Variants in STPG2 observed in about 807,000 individuals in gnomAD.
STPG2 encodes sperm tail PG-rich repeat containing 2.
In STPG2, 56 loss-of-function variants were observed where a neutral mutation model predicts 54.2. That is an observed-to-expected ratio of 1.03 (90% confidence interval 0.83 to 1.29). The LOEUF (loss-of-function observed/expected upper bound fraction) is 1.29, where lower values mean the gene tolerates loss of function less well. STPG2 is among the 50% of genes most tolerant of loss of function. The pLI is 0.00. For synonymous variants in STPG2, 200 were observed against 181.8 expected (o/e 1.10, Z -0.81); for missense variants, 596 against 544.9 (o/e 1.09, Z -0.93).
intron 5 of STPG2, among the ~76,000 whole-genome samples, chr4:98,060,157 A>G (rs778539215): frequency 1.3e-4 from 20 of 152,198 alleles, no homozygotes; most frequent in Non-Finnish European, 2.6e-4. Context: ...ACATAATTCT[A>G]TATCTATAAA....
chr4:97,651,830 T>C (rs899824435), intron 10 of STPG2, among the ~76,000 whole-genome samples: 9 of 151,962 alleles, frequency 5.9e-5, no homozygotes, highest in African/African-American at 2.2e-4. Context: ...CAAGTTCACA[T>C]TATTTAAAAG....
At chr4:97,843,454 A>C (rs1728859160) in intron 8 of STPG2, among the ~76,000 whole-genome samples, 1 of 151,962 alleles carries the variant, frequency 6.6e-6, no homozygotes, top group African/African-American at 2.4e-5. Flanking sequence ...AATGTGCATA[A>C]AATTCTTAAA....
intron 4 of STPG2, among the ~76,000 whole-genome samples, chr4:97,537,596 T>C (rs1018155838): frequency 1.3e-5 from 2 of 152,152 alleles, no homozygotes; most frequent in Non-Finnish European, 2.9e-5. Context: ...CCTGCCTGCT[T>C]CTGTAGACTC....
chr4:97,494,213 T>C (rs2148829079), intron 4 of STPG2, among the ~76,000 whole-genome samples: 1 of 151,712 alleles, frequency 6.6e-6, no homozygotes, highest in East Asian at 1.9e-4. Context: ...GCTGGAGAGA[T>C]ACAGACATTT....
intron 4 of STPG2, among the ~76,000 whole-genome samples, chr4:97,456,788 C>G (rs1729533231): frequency 6.7e-6 from 1 of 149,132 alleles, no homozygotes; most frequent in Non-Finnish European, 1.5e-5. Flanking sequence ...CCGAGCTACT[C>G]AGGAGGCTGA....
At chr4:97,751,278 C>T (rs529563159) in intron 9 of STPG2, among the ~76,000 whole-genome samples, 1 of 151,802 alleles carries the variant, frequency 6.6e-6, no homozygotes, top group South Asian at 2.1e-4. Flanking sequence ...TGATTTTAGT[C>T]GATATCCTGT....
intron 6 of STPG2, among the ~76,000 whole-genome samples, chr4:97,975,412 C>A (rs1203373111): frequency 6.6e-6 from 1 of 152,152 alleles, no homozygotes; most frequent in Non-Finnish European, 1.5e-5. Flanking sequence ...CTCCCTGTCA[C>A]AAAAGTTATT....
chr4:97,834,358 TG>T (rs895995112), intron 9 of STPG2, among the ~76,000 whole-genome samples: 3 of 151,776 alleles, frequency 2.0e-5, no homozygotes, highest in African/African-American at 7.3e-5. Flanking sequence ...GGGCCTGTCA[TG>T]GGGTGGGGCG....
intron 4 of STPG2, among the ~76,000 whole-genome samples, chr4:97,531,154 T>A (rs1474323025): frequency 1.3e-5 from 2 of 152,096 alleles, no homozygotes; most frequent in Non-Finnish European, 2.9e-5. Context: ...ACTAAAATGA[T>A]ATATCATCTC....
chr4:97,498,414 C>T (rs1274703977), intron 4 of STPG2, among the ~76,000 whole-genome samples: 1 of 151,780 alleles, frequency 6.6e-6, no homozygotes, highest in Non-Finnish European at 1.5e-5. Context: ...TCTGCTTTAG[C>T]ATTTGAGAAA....
intron 5 of STPG2, among the ~76,000 whole-genome samples, chr4:98,039,227 T>C (rs1736867278): frequency 6.6e-6 from 1 of 151,710 alleles, no homozygotes; most frequent in African/African-American, 2.4e-5. Context: ...TTAGTATGTA[T>C]ATATATAAAT....
intron 8 of STPG2, among the ~76,000 whole-genome samples, chr4:97,888,466 G>A (rs1189188098): frequency 6.6e-6 from 1 of 152,222 alleles, no homozygotes; most frequent in African/African-American, 2.4e-5. Flanking sequence ...AAGATTCAGT[G>A]ACTGTCCTGC....
chr4:97,930,724 G>A (rs1732512285), intron 8 of STPG2, among the ~76,000 whole-genome samples: 1 of 152,102 alleles, frequency 6.6e-6, no homozygotes, highest in Non-Finnish European at 1.5e-5. Context: ...GAATGTCACT[G>A]GTAGTTTCAT....
chr4:97,494,490 A>G (rs1444190759), intron 4 of STPG2, among the ~76,000 whole-genome samples: 2 of 151,502 alleles, frequency 1.3e-5, no homozygotes, highest in African/African-American at 4.8e-5. Flanking sequence ...TCTTTTACTT[A>G]TATGTATCTA....
chr4:97,918,127 G>C (rs942041279), intron 8 of STPG2, among the ~76,000 whole-genome samples: 6 of 151,950 alleles, frequency 3.9e-5, no homozygotes, highest in Non-Finnish European at 2.9e-5. Context: ...GAAAATTCTT[G>C]AGTAATTATA....
At chr4:97,557,429 T>G (rs1560658444), downstream of STPG2, among the ~76,000 whole-genome samples, 1 of 152,184 alleles carries the variant, frequency 6.6e-6, no homozygotes, top group Admixed American at 6.5e-5. Flanking sequence ...ATCTATCATT[T>G]CTATCTTATC....
chr4:97,629,318 T>A (rs1200065651), intron 10 of STPG2, among the ~76,000 whole-genome samples: 3 of 152,042 alleles, frequency 2.0e-5, no homozygotes, highest in African/African-American at 4.8e-5. Flanking sequence ...GCATTTACAA[T>A]CAATGACTTT....
intron 7 of STPG2, among the ~76,000 whole-genome samples, chr4:97,962,278 T>C (rs1733918555): frequency 6.6e-6 from 1 of 152,108 alleles, no homozygotes; most frequent in East Asian, 1.9e-4. Context: ...GGATGATGGA[T>C]GCACCAAATC....
chr4:97,565,337 A>T (rs973509669), intron 10 of STPG2, among the ~76,000 whole-genome samples: 1 of 152,162 alleles, frequency 6.6e-6, no homozygotes, highest in Non-Finnish European at 1.5e-5. Context: ...ACATTCATCG[A>T]AATTTTTTTC....
Sources: allele counts gnomAD v4.1 joint callset (sites outside exome capture counted in the v4.1 genomes callset), GRCh38; gene constraint gnomAD v4.1.1; transcripts MANE v1.5; gene names NCBI Gene and HGNC (gene_info 2026-07-23, HGNC 2026-07-21).